VGLL4: variants seen among roughly 807,000 people sequenced by gnomAD.
VGLL4 encodes the protein vestigial like family member 4, also known as transcription cofactor vestigial-like protein 4.
VGLL4 carries 7 observed loss-of-function variants against 21.0 expected under a neutral mutation model. That is an observed-to-expected ratio of 0.33 (90% CI 0.19 to 0.63). The LOEUF (loss-of-function observed/expected upper bound fraction) is 0.63, where lower values mean the gene tolerates loss of function less well. Among genes scored for constraint, VGLL4 ranks in the 20% least tolerant of loss-of-function variants. The pLI, the probability that VGLL4 is intolerant of heterozygous loss-of-function variation, is 0.78. For synonymous variants in VGLL4, 222 were observed against 173.2 expected (o/e 1.28, Z -2.21); for missense variants, 394 against 425.7 (o/e 0.93, Z 0.66).
At position 11,565,314 on chromosome 3, in the gene VGLL4, C is replaced by T. The variant is rs1345932889; in HGVS notation, c.273-295G>A. Among the ~76,000 whole-genome samples the T allele has an allele frequency of 1.3e-5, 2 of 152,152 alleles. No individual in the cohort carries two copies. Among genetic ancestry groups the T allele is most frequent in the Non-Finnish European group, 2.9e-5 (2 of 68,042 alleles). Reference sequence around the variant, plus strand: ...GTGTTCACTTCTATAATAATCTCCACTCCCTGGGAGCCTGGGGAGCTGGAG... The same window carrying T: ...GTGTTCACTTCTATAATAATCTCCATTCCCTGGGAGCCTGGGGAGCTGGAG... On this transcript the variant is annotated intron_variant, in intron 2 of 4. Coordinates refer to ENST00000430365, the MANE Select transcript of VGLL4 (RefSeq NM_001128219.3). This position sits in a 1 kb window ranked among gnomAD's most constrained non-coding sequence, Gnocchi z 4.1.
chr3:11,559,216 T>C (rs2072736420), intron 4 of VGLL4, 116 bp downstream of exon 4: 3 of 1,424,696 alleles, frequency 2.1e-6, no homozygotes, highest in African/African-American at 1.4e-5. Flanking sequence ...AAATACTTTT[T>C]CAACCTCAGC....
At chr3:11,639,893 C>T (rs1053178124) in intron 1 of VGLL4, among the ~76,000 whole-genome samples, 1 of 151,986 alleles carries the variant, frequency 6.6e-6, no homozygotes, top group Non-Finnish European at 1.5e-5. Context: ...AAAAAAAAGA[C>T]ATGAAATAAT....
chr3:11,660,318 A>G (rs2076020877), intron 2 of VGLL4, among the ~76,000 whole-genome samples: 1 of 152,212 alleles, frequency 6.6e-6, no homozygotes, highest in South Asian at 2.1e-4. Flanking sequence ...ATAATGATAC[A>G]GCCTGACCAT....
rs1317049097 is a variant in VGLL4 at position 11,568,150 on chromosome 3, C to T, written c.273-3131G>A. On this transcript the variant is annotated intron_variant, in intron 2 of 4. Transcript: ENST00000430365. This position sits in a 1 kb window ranked among gnomAD's most constrained non-coding sequence, Gnocchi z 5.9. ...GGATCCGGGCAAGGATAAAGACACC[C>T]CCGGGTGGCATGGAGGAGCAGACTA... is the stretch of plus-strand genomic sequence containing the variant. Among the ~76,000 whole-genome samples, 2 of 152,214 alleles carry T rather than the reference C, an allele frequency of 1.3e-5. No individual in the cohort carries two copies. Among genetic ancestry groups the T allele is most frequent in the African/African-American group, 4.8e-5 (2 of 41,452 alleles).
At chr3:11,635,576 T>C (rs2075570490) in intron 1 of VGLL4, among the ~76,000 whole-genome samples, 1 of 152,250 alleles carries the variant, frequency 6.6e-6, no homozygotes, top group Admixed American at 6.5e-5. Flanking sequence ...AACCAAATAC[T>C]GTATGCACTG....
At chr3:11,643,298 G>C in intron 1 of VGLL4, 139 bp downstream of exon 1, 1 of 1,324,596 alleles carries the variant, frequency 7.5e-7, no homozygotes, top group Non-Finnish European at 1.0e-6. Context: ...GTGCCGAACC[G>C]AACCTAAGAA....
intron 1 of VGLL4, among the ~76,000 whole-genome samples, chr3:11,603,518 C>T (rs949124697): frequency 2.6e-5 from 4 of 152,186 alleles, no homozygotes; most frequent in African/African-American, 9.7e-5. Context: ...TTCTAATTAT[C>T]TCCGTTATTT....
intron 2 of VGLL4, among the ~76,000 whole-genome samples, chr3:11,596,363 A>C (rs2074640345): frequency 6.6e-6 from 1 of 152,258 alleles, no homozygotes; most frequent in Non-Finnish European, 1.5e-5. Flanking sequence ...GCATGGGAGA[A>C]GGAAAAACCA....
At chr3:11,707,600 A>C (rs145422444) in intron 1 of VGLL4, among the ~76,000 whole-genome samples, 1 of 152,178 alleles carries the variant, frequency 6.6e-6, no homozygotes, top group Non-Finnish European at 1.5e-5. Flanking sequence ...ATGTAATCCC[A>C]GTGCTCTGAG....
intron 2 of VGLL4, among the ~76,000 whole-genome samples, chr3:11,569,665 A>C (rs892762891): frequency 3.9e-5 from 6 of 152,206 alleles, no homozygotes; most frequent in Non-Finnish European, 4.4e-5. Context: ...TTACAGGAGA[A>C]TCCGACATCT....
chr3:11,711,034 A>G (rs1161524780), intron 1 of VGLL4, among the ~76,000 whole-genome samples: 1 of 151,648 alleles, frequency 6.6e-6, no homozygotes, highest in Admixed American at 6.6e-5. Context: ...CGGGAGGCGG[A>G]GTTTGCAGTA....
chr3:11,618,030 C>A (rs1295739856), intron 1 of VGLL4, among the ~76,000 whole-genome samples: 1 of 152,176 alleles, frequency 6.6e-6, no homozygotes, highest in African/African-American at 2.4e-5. Context: ...AACATTTATT[C>A]AACAGACATT....
chr3:11,643,901 T>C lies in VGLL4; in HGVS notation c.-383A>G, dbSNP rs2075744919. The C allele has an allele frequency of 3.0e-5, 31 of 1,027,478 alleles. No homozygotes were observed. Among genetic ancestry groups the C allele is most frequent in the South Asian group, 7.2e-5 (2 of 27,876 alleles). 63.6% of individuals were successfully genotyped at this position (1,027,478 alleles called of 1,614,324 possible). A position where few individuals can be genotyped will look rare whatever the true frequency, so the allele number is the denominator to read the frequency against. ...ACAGCCCGCTGCAAGCCGGCAGCGCTGACATGAGGGCTATGCTTGGCATGA... is the reference window on the plus strand; with the variant it reads ...ACAGCCCGCTGCAAGCCGGCAGCGCCGACATGAGGGCTATGCTTGGCATGA... On this transcript the variant is annotated 5_prime_UTR_variant, in exon 1 of 5. Transcript: ENST00000430365.
chr3:11,688,248 CT>C (rs1261664181), intron 2 of VGLL4, among the ~76,000 whole-genome samples: 1 of 152,086 alleles, frequency 6.6e-6, no homozygotes, highest in Non-Finnish European at 1.5e-5. Context: ...ATACATACAA[CT>C]TTGTGTTTTA....
chr3:11,589,194 T>G lies in VGLL4; in HGVS notation c.272+12639A>C, dbSNP rs939200299. Among the ~76,000 whole-genome samples, 10 of 152,270 alleles carry G rather than the reference T, an allele frequency of 6.6e-5. No homozygotes were observed. In the East Asian group the frequency reaches 1.9e-3, roughly 29 times the overall value. On this transcript the variant is annotated intron_variant, in intron 2 of 4. Coordinates refer to ENST00000430365, the MANE Select transcript of VGLL4 (RefSeq NM_001128219.3). ...TCACTCCTGAATGCAGGGAGAGGAT[T>G]CAACAGAATTGTTGGTATGGATAAC...
intron 1 of VGLL4, among the ~76,000 whole-genome samples, chr3:11,642,453 G>A (rs2075711583): frequency 6.6e-6 from 1 of 152,162 alleles, no homozygotes. Flanking sequence ...TTTTTCAAGA[G>A]AAATGTCCCG....
chr3:11,557,527 C>T lies in VGLL4; in HGVS notation c.*1029G>A, dbSNP rs969211884. ...ACCGCAGCTGACCCACTGCTCATCG[C>T]GAGGGCCTGCCAGGAGCTGGCCTCC... On this transcript the variant is annotated 3_prime_UTR_variant, in exon 5 of 5. Coordinates refer to ENST00000430365, the MANE Select transcript of VGLL4 (RefSeq NM_001128219.3). 2 of 152,496 alleles carry T rather than the reference C, an allele frequency of 1.3e-5. No individual in the cohort carries two copies. Among genetic ancestry groups the T allele is most frequent in the African/African-American group, 2.4e-5 (1 of 41,428 alleles). 9.4% of individuals were successfully genotyped at this position (152,496 alleles called of 1,614,324 possible). A position where few individuals can be genotyped will look rare whatever the true frequency, so the allele number is the denominator to read the frequency against.
At chr3:11,576,284 C>T (rs2074042584) in intron 2 of VGLL4, among the ~76,000 whole-genome samples, 1 of 152,204 alleles carries the variant, frequency 6.6e-6, no homozygotes, top group East Asian at 1.9e-4. Flanking sequence ...CAGATGTGTC[C>T]CACATTAGAG....
chr3:11,608,975 C>T (rs879534223), intron 1 of VGLL4, among the ~76,000 whole-genome samples: 7 of 152,140 alleles, frequency 4.6e-5, no homozygotes, highest in Non-Finnish European at 7.3e-5. Flanking sequence ...GATTCTCCTG[C>T]GTCAGCCTCC....
Sources: gnomAD v4.1 joint callset for allele counts (sites outside exome capture counted in the v4.1 genomes callset) on GRCh38, gnomAD v4.1.1 for gene constraint, Gnocchi (gnomAD v3.1) non-coding constraint, MANE v1.5 for transcripts, NCBI Gene and HGNC (gene_info 2026-07-23, HGNC 2026-07-21) for gene names.